The following SHANK2 variants were observed in gnomAD, a reference collection of about 807,000 sequenced individuals.
The protein encoded by SHANK2 is SH3 and multiple ankyrin repeat domains protein 2.
In SHANK2, 43 loss-of-function variants were observed where a neutral mutation model predicts 133.7. That is an observed-to-expected ratio of 0.32 (90% CI 0.25 to 0.41). The LOEUF (loss-of-function observed/expected upper bound fraction) is 0.41, where lower values mean the gene tolerates loss of function less well. Among genes scored for constraint, SHANK2 ranks in the 10% least tolerant of loss-of-function variants. The pLI, the probability that SHANK2 is intolerant of heterozygous loss-of-function variation, is 1.00. For synonymous variants in SHANK2, 1,017 were observed against 952.8 expected (o/e 1.07, Z -1.24); for missense variants, 1,994 against 2,235.8 (o/e 0.89, Z 2.18).
At chr11:70,502,736 CCCCCA>C (rs1372353520) in intron 18 of SHANK2, 55 bp downstream of exon 18, 4 of 462,520 alleles carry the variant, frequency 8.6e-6, no homozygotes, top group African/African-American at 1.1e-4. Flanking sequence ...GTCCTGCCCG[CCCCCA>C]CCCCCCCCCC....
At chr11:70,811,234 G>A (rs1168910064) in intron 12 of SHANK2, among the ~76,000 whole-genome samples, 1 of 152,198 alleles carries the variant, frequency 6.6e-6, no homozygotes, top group Non-Finnish European at 1.5e-5. Context: ...GAGCCACAGA[G>A]CAGGAGTCAC....
intron 14 of SHANK2, among the ~76,000 whole-genome samples, chr11:70,753,144 A>T (rs1555037780): frequency 6.6e-6 from 1 of 151,676 alleles, no homozygotes; most frequent in Non-Finnish European, 1.5e-5. Flanking sequence ...ACAACAAAAC[A>T]AACATGAGGC....
At chr11:70,746,372 A>G (rs782517397) in intron 14 of SHANK2, among the ~76,000 whole-genome samples, 2 of 147,854 alleles carry the variant, frequency 1.4e-5, no homozygotes, top group Non-Finnish European at 3.0e-5. Flanking sequence ...CAGGACAGGG[A>G]AGGCTTGGCC....
At chr11:70,627,234 G>A (rs182175800) in intron 17 of SHANK2, among the ~76,000 whole-genome samples, 5 of 152,300 alleles carry the variant, frequency 3.3e-5, no homozygotes, top group African/African-American at 7.2e-5. Context: ...AGTTAGGTGC[G>A]GCCAAGTGAG....
chr11:71,111,053 G>A (rs960669059), intron 5 of SHANK2, among the ~76,000 whole-genome samples: 7 of 152,246 alleles, frequency 4.6e-5, no homozygotes, highest in Non-Finnish European at 1.0e-4. Context: ...TGCTGAACCT[G>A]CCGATGCCAC....
chr11:70,607,026 T>C (rs1204795323), intron 17 of SHANK2, among the ~76,000 whole-genome samples: 7 of 152,146 alleles, frequency 4.6e-5, no homozygotes, highest in African/African-American at 1.7e-4. Flanking sequence ...GCCCACCCAC[T>C]TGGCCCCTCC....
chr11:71,176,251 G>A (rs151329813), intron 2 of SHANK2, among the ~76,000 whole-genome samples: 10 of 152,106 alleles, frequency 6.6e-5, no homozygotes, highest in South Asian at 2.1e-4. Context: ...ACTAAATCCC[G>A]CCCCCAAAAA....
chr11:70,676,444 C>A (rs532276975), intron 15 of SHANK2, among the ~76,000 whole-genome samples: 1 of 152,168 alleles, frequency 6.6e-6, no homozygotes, highest in African/African-American at 2.4e-5. Flanking sequence ...CTGAGTAGGA[C>A]GTGCTATGGG....
intron 17 of SHANK2, among the ~76,000 whole-genome samples, chr11:70,646,838 TTTA>T (rs1260861867): frequency 2.8e-4 from 21 of 74,858 alleles, no homozygotes; most frequent in African/African-American, 8.8e-4. Context: ...ATTTTATTTA[TTTA>T]TTTATTTATT....
At chr11:70,630,174 G>A (rs2060963858) in intron 17 of SHANK2, among the ~76,000 whole-genome samples, 1 of 152,202 alleles carries the variant, frequency 6.6e-6, no homozygotes, top group African/African-American at 2.4e-5. Context: ...CAGAGCCCAC[G>A]CTTAGAGCAA....
intron 10 of SHANK2, among the ~76,000 whole-genome samples, chr11:70,940,970 T>C (rs1334220154): frequency 6.6e-6 from 1 of 152,206 alleles, no homozygotes; most frequent in Non-Finnish European, 1.5e-5. Context: ...GACTGGCCTC[T>C]GCCCTTCTGA....
At chr11:70,758,213 C>T (rs1050510640) in intron 14 of SHANK2, among the ~76,000 whole-genome samples, 6 of 152,194 alleles carry the variant, frequency 3.9e-5, no homozygotes, top group Non-Finnish European at 1.5e-5. Context: ...GCATTCCAGC[C>T]GGCAATGGCT....
intron 17 of SHANK2, among the ~76,000 whole-genome samples, chr11:70,574,839 G>T (rs1427120217): frequency 6.6e-6 from 1 of 152,182 alleles, no homozygotes; most frequent in African/African-American, 2.4e-5. Context: ...ATTATGGTTG[G>T]CAGCCTTACA....
At chr11:70,706,285 A>T (rs546130033) in intron 14 of SHANK2, among the ~76,000 whole-genome samples, 19 of 152,246 alleles carry the variant, frequency 1.2e-4, no homozygotes, top group African/African-American at 4.1e-4. Context: ...CCTACAACAC[A>T]GCCTGGTGCA....
intron 17 of SHANK2, among the ~76,000 whole-genome samples, chr11:70,613,746 TAAG>T (rs1554995087): frequency 6.9e-6 from 1 of 144,804 alleles, no homozygotes. Context: ...GCTGTCCTTG[TAAG>T]AAGAGGGGAA....
At chr11:70,578,175 A>T (rs2060140312) in intron 17 of SHANK2, among the ~76,000 whole-genome samples, 1 of 152,224 alleles carries the variant, frequency 6.6e-6, no homozygotes, top group Non-Finnish European at 1.5e-5. Flanking sequence ...TCGCCATTGC[A>T]CAGACAGGGA....
At chr11:71,228,025 G>T (rs2919728) in intron 1 of SHANK2, among the ~76,000 whole-genome samples, 16,070 of 149,290 alleles carry the variant, frequency 0.11, 2,383 homozygotes, top group African/African-American at 0.34. Context: ...GACTGACCAA[G>T]AAAAAAAAAC....
chr11:70,628,416 T>A (rs1184556789), intron 17 of SHANK2, among the ~76,000 whole-genome samples: 1 of 152,152 alleles, frequency 6.6e-6, no homozygotes, highest in African/African-American at 2.4e-5. Context: ...TGCCCCCCTC[T>A]GTCCTACCCA....
rs1261157545 is a variant in SHANK2 at position 71,064,965 on chromosome 11, CACAG to C, written c.1030-8411_1030-8408del. Among the ~76,000 whole-genome samples the C allele has an allele frequency of 2.2e-3, 339 of 152,246 alleles. 1 individual carries two copies. The highest frequency in any genetic ancestry group is 7.8e-3 in the African/African-American group (323 of 41,548). ...GGGTTTTCTAGAAGGCGCACAAGGACACAGACAGGCCCGCCGGAGGTCACCTCGG... is the reference window on the plus strand; with the variant it reads ...GGGTTTTCTAGAAGGCGCACAAGGACACAGGCCCGCCGGAGGTCACCTCGG... On this transcript the variant is annotated intron_variant, in intron 9 of 25. Coordinates refer to ENST00000601538, the MANE Select transcript of SHANK2 (RefSeq NM_012309.5).
Sources: gnomAD v4.1 joint callset for allele counts (sites outside exome capture counted in the v4.1 genomes callset) on GRCh38, gnomAD v4.1.1 for gene constraint, MANE v1.5 for transcripts, NCBI Gene and HGNC (gene_info 2026-07-23, HGNC 2026-07-21) for gene names.